TRHDE: variants seen among roughly 807,000 people sequenced by gnomAD.
TRHDE encodes the protein thyrotropin releasing hormone degrading enzyme, also known as thyrotropin-releasing hormone-degrading ectoenzyme.
Under a neutral mutation model 125.7 loss-of-function variants are expected in TRHDE, and 72 were observed. The ratio of observed to expected loss-of-function variants is 0.57; its 90% CI spans 0.47 to 0.70. TRHDE has a LOEUF of 0.70. TRHDE is among the 30% of genes least tolerant of loss of function. TRHDE has a pLI of 0.00. For synonymous variants in TRHDE, 509 were observed against 509.1 expected (o/e 1.00, Z 0.00); for missense variants, 1,110 against 1,327.1 (o/e 0.84, Z 2.54).
At chr12:72,598,810 T>TA (rs1346113372) in intron 12 of TRHDE, among the ~76,000 whole-genome samples, 1 of 152,144 alleles carries the variant, frequency 6.6e-6, no homozygotes, top group African/African-American at 2.4e-5. Context: ...AGGTTTGGTA[T>TA]AGAAATGATC....
In TRHDE at chr12:72,261,140, T is replaced by G. The variant is rs560644759; in HGVS notation, n.280-116855T>G. 2.6e-5 allele frequency among the ~76,000 whole-genome samples: 4 copies of G among 152,304 alleles called. No homozygotes were observed. The South Asian group carries it at 6.2e-4, about 24-fold the overall frequency. On this transcript the variant is annotated intron_variant and non_coding_transcript_variant, in intron 2 of 4. Coordinates refer to the TRHDE transcript ENST00000548156. ...CCCTTTCTTTCCTTTTCTTGAGATG[T>G]TAAGTAAGTATGAAGGAAGTAGATA...
intron 7 of TRHDE, among the ~76,000 whole-genome samples, chr12:72,547,174 G>T (rs1265420099): frequency 6.6e-6 from 1 of 150,836 alleles, no homozygotes; most frequent in Non-Finnish European, 1.5e-5. Flanking sequence ...ACCATATGGA[G>T]ATTTAAAAAG....
intron 6 of TRHDE, among the ~76,000 whole-genome samples, chr12:72,519,511 T>C (rs1879065706): frequency 6.6e-6 from 1 of 152,180 alleles, no homozygotes; most frequent in Non-Finnish European, 1.5e-5. Flanking sequence ...CTTTAAGCAC[T>C]TCTGTGTATT....
intron 2 of TRHDE, among the ~76,000 whole-genome samples, chr12:72,143,438 G>T (rs1351116297): frequency 6.6e-6 from 1 of 151,998 alleles, no homozygotes; most frequent in South Asian, 2.1e-4. Flanking sequence ...GAAACAAAAG[G>T]GAGAGAGCAT....
chr12:72,285,509 T>A (rs1469352746), intron 1 of TRHDE, among the ~76,000 whole-genome samples: 1 of 146,924 alleles, frequency 6.8e-6, no homozygotes. Flanking sequence ...TGTCTGAGTG[T>A]CCTTTTTTTC....
intron 3 of TRHDE, among the ~76,000 whole-genome samples, chr12:72,456,046 A>G (rs1357366261): frequency 6.6e-6 from 1 of 151,122 alleles, no homozygotes; most frequent in Non-Finnish European, 1.5e-5. Context: ...GTATATATGT[A>G]ATATTATGCA....
chr12:72,633,520 G>A (rs1361915817), intron 15 of TRHDE, among the ~76,000 whole-genome samples: 1 of 152,044 alleles, frequency 6.6e-6, no homozygotes, highest in Admixed American at 6.6e-5. Context: ...CAGTGGGAAT[G>A]CAAATGCTGT....
intron 3 of TRHDE, among the ~76,000 whole-genome samples, chr12:72,391,520 G>A (rs187133672): frequency 2.0e-5 from 3 of 152,198 alleles, no homozygotes; most frequent in Admixed American, 6.6e-5. Flanking sequence ...TATGGGTTCT[G>A]TCTTCGTATG....
intron 4 of TRHDE, among the ~76,000 whole-genome samples, chr12:72,472,209 T>G (rs1376985281): frequency 6.6e-6 from 1 of 152,174 alleles, no homozygotes; most frequent in East Asian, 1.9e-4. Flanking sequence ...CCCCCCTACC[T>G]CTACAATAAA....
chr12:72,340,693 A>G (rs75629867), intron 2 of TRHDE, among the ~76,000 whole-genome samples: 2,434 of 152,186 alleles, frequency 0.016, 66 homozygotes, highest in African/African-American at 0.056. Flanking sequence ...CATTCCAAGC[A>G]GCAGGAAAGA....
At chr12:72,537,291 C>T (rs1256674815) in intron 6 of TRHDE, among the ~76,000 whole-genome samples, 4 of 151,986 alleles carry the variant, frequency 2.6e-5, no homozygotes, top group Non-Finnish European at 4.4e-5. Flanking sequence ...AATCTCATAT[C>T]GAATTGTCAT....
chr12:72,101,202 C>T (rs553199492), intron 1 of TRHDE, among the ~76,000 whole-genome samples: 2 of 152,212 alleles, frequency 1.3e-5, no homozygotes, highest in South Asian at 2.1e-4. Flanking sequence ...TAATGAAGTT[C>T]GAAGTGCATG....
chr12:72,194,859 C>T lies in TRHDE; in HGVS notation n.279+89107C>T, dbSNP rs376451141. On this transcript the variant is annotated intron_variant and non_coding_transcript_variant, in intron 2 of 4. Transcript: ENST00000548156. ...GAGTGGATGTGTCTTTTTGGTAGAA[C>T]AATTTATTTTCTTTTGGATACATAC... Among the ~76,000 whole-genome samples the T allele has an allele frequency of 1.1e-4, 17 of 152,128 alleles. No homozygotes were observed. In the East Asian group the frequency reaches 2.5e-3, roughly 23 times the overall value.
chr12:72,169,660 A>G (rs1876827322), intron 2 of TRHDE, among the ~76,000 whole-genome samples: 1 of 152,028 alleles, frequency 6.6e-6, no homozygotes, highest in Non-Finnish European at 1.5e-5. Context: ...TGCAAGACCA[A>G]TTTGGGCAAC....
intron 2 of TRHDE, among the ~76,000 whole-genome samples, chr12:72,249,412 C>T (rs1878636410): frequency 6.6e-6 from 1 of 152,060 alleles, no homozygotes; most frequent in Non-Finnish European, 1.5e-5. Flanking sequence ...ATGAGCTGGG[C>T]ATGGTGGTAT....
At chr12:72,539,013 C>T (rs529116906) in intron 6 of TRHDE, among the ~76,000 whole-genome samples, 1 of 151,884 alleles carries the variant, frequency 6.6e-6, no homozygotes, top group South Asian at 2.1e-4. Context: ...TTGTGATTTC[C>T]ACTTTCACGC....
chr12:72,369,602 A>G (rs1025604293), intron 2 of TRHDE, among the ~76,000 whole-genome samples: 2 of 152,156 alleles, frequency 1.3e-5, no homozygotes, highest in African/African-American at 4.8e-5. Flanking sequence ...ATAAATAGAT[A>G]ATGATAAACT....
intron 2 of TRHDE, among the ~76,000 whole-genome samples, chr12:72,211,784 A>G (rs965211526): frequency 2.6e-5 from 4 of 152,226 alleles, no homozygotes; most frequent in Admixed American, 6.5e-5. Flanking sequence ...GACTAATACA[A>G]TAATAGAATA....
chr12:72,407,460 G>A (rs1228987431), intron 3 of TRHDE, among the ~76,000 whole-genome samples: 10 of 152,210 alleles, frequency 6.6e-5, no homozygotes, highest in Admixed American at 2.6e-4. Context: ...GAGAACGCTA[G>A]TGTGGAGTCA....
Sources: allele counts gnomAD v4.1 joint callset (sites outside exome capture counted in the v4.1 genomes callset), GRCh38; gene constraint gnomAD v4.1.1; transcripts MANE v1.5; gene names NCBI Gene and HGNC (gene_info 2026-07-23, HGNC 2026-07-21).